Variants in CLU observed in about 807,000 individuals in gnomAD.
CLU encodes the protein clusterin.
Under a neutral mutation model 46.4 loss-of-function variants are expected in CLU, and 25 were observed. The observed-to-expected ratio is 0.54, with a 90% CI of 0.39 to 0.75. The LOEUF is 0.75. CLU is among the 30% of genes least tolerant of loss of function. CLU has a pLI of 0.00. For missense variants in CLU, 504 were observed against 592.1 expected, an observed-to-expected ratio of 0.85 and a Z score of 1.54; for synonymous variants, 235 against 235.1, an observed-to-expected ratio of 1.00 and a Z score of 0.00.
chr8:27,598,688 T>A, intron 7 of CLU, 53 bp from the exon 8 acceptor site: 1 of 1,561,812 alleles, frequency 6.4e-7, no homozygotes, highest in Non-Finnish European at 8.8e-7. Flanking sequence ...TCAAAATGCA[T>A]GCGCTCTGCA....
chr8:27,606,244 A>T, intron 4 of CLU, 110 bp downstream of exon 4: 1 of 1,281,570 alleles, frequency 7.8e-7, no homozygotes, highest in Non-Finnish European at 1.1e-6. Context: ...ACTCTGGGCA[A>T]GCCAGCCAAT....
intron 1 of CLU, chr8:27,610,991 T>C (rs1163563150): frequency 5.5e-6 from 2 of 365,098 alleles, no homozygotes; most frequent in Non-Finnish European, 1.1e-5. Flanking sequence ...ATACCCCCCT[T>C]AGGTCATGCA....
intron 7 of CLU, 130 bp from the exon 8 acceptor site, chr8:27,598,765 A>G (rs1234357839): frequency 1.2e-5 from 10 of 829,704 alleles, no homozygotes; most frequent in Non-Finnish European, 1.6e-5. Flanking sequence ...AGCTGACCCC[A>G]TGCTTCTTAT....
Position 27,599,753 on chromosome 8 carries a change from A to G in CLU, c.1164+27T>C, listed in dbSNP as rs750160594. On this transcript the variant is annotated intron_variant, in intron 7 of 8. Coordinates refer to ENST00000316403, the MANE Select transcript of CLU (RefSeq NM_001831.4). This position sits in a 1 kb window ranked among gnomAD's most constrained non-coding sequence, Gnocchi z 4.0. The stretch of plus-strand genomic sequence containing the variant: ...CGATCACAGCTCGGGCTCCCGAGCC[A>G]CAGCATGTGGCCGGGACACAGCTCA... 1.9e-6 allele frequency: 3 copies of G among 1,555,630 alleles called. No individual in the cohort carries two copies. Among genetic ancestry groups the G allele is most frequent in the Admixed American group, 3.6e-5 (2 of 56,158 alleles).
rs1364194418 is a variant in CLU, at chr8:27,604,987, G to C, written c.766C>G (p.Gln256Glu). Residue 256 changes from glutamine to glutamate, a missense_variant, in exon 5 of 9, where the codon CAG (glutamine) becomes GAG (glutamate). Around this residue, in one of 3 missense-constraint regions of CLU, gnomAD observed 428 missense variants for 484.0 expected, o/e 0.88. Transcript: ENST00000316403. ...CTATGGAAGTGGATGTCCATGGCCT[G>C]CTGAGCCTCGTGTATCATCTCAAGG... ...PFLEMIHEAQQAMDIHFHSPA... is the reference protein window; with the variant it reads ...PFLEMIHEAQEAMDIHFHSPA... The C allele has an allele frequency of 6.2e-7, 1 of 1,614,142 alleles. No individual in the cohort carries two copies.
chr8:27,613,817 T>A (rs1000320853), intron 1 of CLU: 1 of 152,230 alleles, frequency 6.6e-6, no homozygotes, highest in Non-Finnish European at 1.5e-5. Flanking sequence ...AACATTTTCA[T>A]GGGCATCTTT....
rs534508746 is a variant in CLU, at chr8:27,605,243, C to T, written c.510G>A (p.Thr170=). The stretch of plus-strand genomic sequence containing the variant: ...GGTCCTGCATGACATCCAGCATGTG[C>T]GTCTGCTGCCGGTCGTTCTCCAGCA... ...DSLLENDRQQ[T]HMLDVMQDHF... Residue 170 remains threonine, a synonymous_variant, in exon 5 of 9, where the codon ACG becomes ACA. Transcript: ENST00000316403. The T allele has an allele frequency of 6.2e-6, 10 of 1,614,178 alleles. No homozygotes were observed. The highest frequency in any genetic ancestry group is 2.2e-5 in the East Asian group (1 of 44,878).
In CLU at chr8:27,597,875, C is replaced by T; in HGVS notation, c.*366G>A. On this transcript the variant is annotated 3_prime_UTR_variant, in exon 9 of 9. Transcript: ENST00000316403. ...TTCACTGGTATGACAGTCCCTATAC[C>T]ATCTTAGCCACTGCTTTTTTGTTTC... 1 of 508,222 alleles carries T rather than the reference C, an allele frequency of 2.0e-6. No homozygotes were observed. The highest frequency in any genetic ancestry group is 1.5e-5 in the South Asian group (1 of 64,932). The allele number at this position is 508,222 out of a possible 1,614,324, so 31.5% of individuals were successfully genotyped here.
At chr8:27,608,717 G>A in intron 3 of CLU, 1 of 617,358 alleles carries the variant, frequency 1.6e-6, no homozygotes, top group East Asian at 2.7e-5. Flanking sequence ...TTAGGCCCTG[G>A]GCCAGGCTCA....
intron 1 of CLU, 122 bp from the exon 2 acceptor site, chr8:27,610,722 G>A: frequency 2.7e-6 from 2 of 733,780 alleles, no homozygotes; most frequent in Non-Finnish European, 4.8e-6. Context: ...AGCAGGCACT[G>A]CTGCACTTTT....
chr8:27,609,039 C>A lies in CLU; in HGVS notation c.145G>T (p.Ala49Ser). The A allele has an allele frequency of 1.9e-6, 3 of 1,614,172 alleles. No homozygotes were observed. The highest frequency in any genetic ancestry group is 2.5e-6 in the Non-Finnish European group (3 of 1,179,990). The change falls in exon 3 of 9, where the codon GCT becomes TCT. Residue 49 changes from alanine to serine, a missense_variant. Coordinates refer to ENST00000316403, the MANE Select transcript of CLU (RefSeq NM_001831.4). Reference protein sequence around the residue: ...SKYVNKEIQNAVNGVKQIKTL... With the variant: ...SKYVNKEIQNSVNGVKQIKTL... Reference sequence around the variant, plus strand: ...TTTATCTGTTTCACCCCGTTGACAGCATTTTGAATTTCCTTATTGACGTAC... The same window carrying A: ...TTTATCTGTTTCACCCCGTTGACAGAATTTTGAATTTCCTTATTGACGTAC...
Position 27,598,187 on chromosome 8 carries a change from T to C in CLU, c.*54A>G, listed in dbSNP as rs763397906. ...TCTCTCTGGGGGGCTGCAGCTCATCTTGGGGGGAGCTGGACTCAGATGCCC... is the reference window on the plus strand; with the variant it reads ...TCTCTCTGGGGGGCTGCAGCTCATCCTGGGGGGAGCTGGACTCAGATGCCC... On this transcript the variant is annotated 3_prime_UTR_variant, in exon 9 of 9. Transcript: ENST00000316403. 1.4e-5 allele frequency: 22 copies of C among 1,600,576 alleles called. No individual in the cohort carries two copies. The highest frequency in any genetic ancestry group is 7.7e-5 in the South Asian group (7 of 90,502).
chr8:27,604,287 T>A lies in CLU; in HGVS notation c.934+4A>T, dbSNP rs1229396474. On this transcript the variant is annotated splice_donor_region_variant and intron_variant, in intron 6 of 8. Coordinates refer to ENST00000316403, the MANE Select transcript of CLU (RefSeq NM_001831.4). ...GACGGCTTGTGGTCTGGACCCCGAC[T>A]CACCCACAGACAAGATCTCCCGGCA... The A allele has an allele frequency of 1.9e-6, 3 of 1,612,874 alleles. No individual in the cohort carries two copies. The African/African-American group carries it at 4.0e-5, about 22-fold the overall frequency.
rs1212214525 is a variant in CLU, at chr8:27,597,389, T to A, written c.*852A>T. Reference sequence around the variant, plus strand: ...TTCAGACTAAAAGCCGAGAAACGCCTGTGGTCCAGGGAAAGGTATGAAGAT... The same window carrying A: ...TTCAGACTAAAAGCCGAGAAACGCCAGTGGTCCAGGGAAAGGTATGAAGAT... On this transcript the variant is annotated 3_prime_UTR_variant, in exon 9 of 9. Coordinates refer to ENST00000316403, the MANE Select transcript of CLU (RefSeq NM_001831.4). 1.1e-5 allele frequency: 5 copies of A among 454,342 alleles called. No individual in the cohort carries two copies. The highest frequency in any genetic ancestry group is 1.0e-4 in the African/African-American group (5 of 49,974). 28.1% of individuals were successfully genotyped at this position (454,342 alleles called of 1,614,324 possible). A position where few individuals can be genotyped will look rare whatever the true frequency, so the allele number is the denominator to read the frequency against.
intron 8 of CLU, 99 bp from the exon 9 acceptor site, chr8:27,598,349 C>A: frequency 6.3e-7 from 1 of 1,593,164 alleles, no homozygotes; most frequent in Non-Finnish European, 8.6e-7. Context: ...GCTCTGGCTC[C>A]GGGCGGAGTC....
rs757157588 is a variant in CLU, at chr8:27,604,919, C to T, written c.829+5G>A. 1 of 1,614,186 alleles carries T rather than the reference C, an allele frequency of 6.2e-7. No individual in the cohort carries two copies. Among genetic ancestry groups the T allele is most frequent in the Non-Finnish European group, 8.5e-7 (1 of 1,180,042 alleles). ...AAAAGGCCATGAGCTTCCACCCCTT[C>T]TCACCTCGTATGAATTCTGTTGGCG... On this transcript the variant is annotated splice_donor_5th_base_variant and intron_variant, in intron 5 of 8. Coordinates refer to ENST00000316403, the MANE Select transcript of CLU (RefSeq NM_001831.4).
chr8:27,599,962 C>T lies in CLU; in HGVS notation c.982G>A (p.Asp328Asn), dbSNP rs9331938. Residue 328 changes from aspartate to asparagine, a missense_variant, in exon 7 of 9, where the codon GAC (aspartate) becomes AAC (asparagine). Asp to Asn is a conservative substitution (Grantham distance 23, BLOSUM62 1). Transcript: ENST00000316403. This position sits in a 1 kb window ranked among gnomAD's most constrained non-coding sequence, Gnocchi z 4.0. ...CTCTCAGCGACCTGGAGGGATTCGTCGAGCTCCCGCCGCAGCTTAGCCTGG... is the reference window on the plus strand; with the variant it reads ...CTCTCAGCGACCTGGAGGGATTCGTTGAGCTCCCGCCGCAGCTTAGCCTGG... Reference protein sequence around the residue: ...PSQAKLRRELDESLQVAERLT... With the variant: ...PSQAKLRRELNESLQVAERLT... The T allele has an allele frequency of 2.2e-3, 3,558 of 1,614,130 alleles. 43 individuals are homozygous for T. In the African/African-American group the frequency reaches 0.034, roughly 16 times the overall value.
intron 1 of CLU, chr8:27,611,301 A>C (rs1156470392): frequency 2.2e-6 from 1 of 455,030 alleles, no homozygotes; most frequent in Non-Finnish European, 4.4e-6. Context: ...GAGAGTAGAG[A>C]GGGTTCGCAG....
chr8:27,599,681 C>T lies in CLU; in HGVS notation c.1164+99G>A, dbSNP rs1321766110. ...AGGGGCGCCTAAAGTTTTCTATTTT[C>T]TGCCGTGTGATAAATGCTCAGTCAA... On this transcript the variant is annotated intron_variant, in intron 7 of 8. Transcript: ENST00000316403. This position sits in a 1 kb window ranked among gnomAD's most constrained non-coding sequence, Gnocchi z 4.0. 1 of 919,278 alleles carries T rather than the reference C, an allele frequency of 1.1e-6. No individual in the cohort carries two copies. The highest frequency in any genetic ancestry group is 2.0e-5 in the Admixed American group (1 of 49,586). The allele number at this position is 919,278 out of a possible 1,614,324, so 56.9% of individuals were successfully genotyped here. A position where few individuals can be genotyped will look rare whatever the true frequency, so the allele number is the denominator to read the frequency against.
Sources: gnomAD v4.1 joint callset for allele counts on GRCh38, gnomAD v4.1.1 for gene constraint, gnomAD v4.1.1 regional missense constraint, Gnocchi (gnomAD v3.1) non-coding constraint, MANE v1.5 for transcripts, NCBI Gene and HGNC (gene_info 2026-07-23, HGNC 2026-07-21) for gene names.